ME1: variants seen among roughly 807,000 people sequenced by gnomAD.
The protein encoded by ME1 is malic enzyme 1, also known as NADP-dependent malic enzyme.
ME1 carries 74 observed loss-of-function variants against 66.4 expected under a neutral mutation model. The ratio of observed to expected loss-of-function variants is 1.11; its 90% CI spans 0.92 to 1.35. ME1 has a LOEUF of 1.35. Ranked by LOEUF, ME1 falls within the 40% of genes most tolerant of loss-of-function variation. ME1 has a pLI of 0.00. For missense variants in ME1, 750 were observed against 694.1 expected, an observed-to-expected ratio of 1.08 and a Z score of -0.90; for synonymous variants, 251 against 235.6, an observed-to-expected ratio of 1.07 and a Z score of -0.60.
intron 3 of ME1, among the ~76,000 whole-genome samples, chr6:83,370,301 G>C (rs769782700): frequency 9.9e-5 from 15 of 152,112 alleles, no homozygotes; most frequent in Non-Finnish European, 2.2e-4. Context: ...GCTTAACTTT[G>C]CAGGAAAAAC....
At chr6:83,398,885 C>T (rs1425986958) in intron 2 of ME1, among the ~76,000 whole-genome samples, 2 of 151,992 alleles carry the variant, frequency 1.3e-5, no homozygotes, top group Non-Finnish European at 2.9e-5. Context: ...GGGTGGATCA[C>T]GAGGTCAGGA....
At chr6:83,309,531 G>T (rs1317885444) in intron 6 of ME1, among the ~76,000 whole-genome samples, 2 of 152,092 alleles carry the variant, frequency 1.3e-5, no homozygotes, top group African/African-American at 4.8e-5. Flanking sequence ...AGCAGGGCTG[G>T]GAGTCAGTGG....
intron 2 of ME1, among the ~76,000 whole-genome samples, chr6:83,403,692 C>A (rs964027789): frequency 1.3e-5 from 2 of 152,088 alleles, no homozygotes; most frequent in Admixed American, 1.3e-4. Context: ...TGATGTTCCC[C>A]TCCCCGTGTC....
intron 12 of ME1, among the ~76,000 whole-genome samples, chr6:83,221,901 A>C (rs1790097818): frequency 6.6e-6 from 1 of 152,248 alleles, no homozygotes; most frequent in South Asian, 2.1e-4. Flanking sequence ...AGCCTAAGAG[A>C]AAACCAGTAG....
chr6:83,279,232 A>C (rs1767245066), intron 6 of ME1, among the ~76,000 whole-genome samples: 1 of 152,230 alleles, frequency 6.6e-6, no homozygotes, highest in African/African-American at 2.4e-5. Flanking sequence ...AGCATATTAA[A>C]GGCATATCTC....
At chr6:83,303,345 C>A (rs1225783081) in intron 6 of ME1, among the ~76,000 whole-genome samples, 1 of 152,130 alleles carries the variant, frequency 6.6e-6, no homozygotes, top group Non-Finnish European at 1.5e-5. Context: ...TACAAACTTA[C>A]TTTGAAGCTA....
At chr6:83,330,102 G>T (rs1768375788) in intron 5 of ME1, among the ~76,000 whole-genome samples, 1 of 152,164 alleles carries the variant, frequency 6.6e-6, no homozygotes, top group Admixed American at 6.5e-5. Flanking sequence ...TTACAGGTGT[G>T]AGTCACTGAG....
At chr6:83,314,186 GA>G (rs1024277345) in intron 6 of ME1, among the ~76,000 whole-genome samples, 3 of 151,462 alleles carry the variant, frequency 2.0e-5, no homozygotes, top group Admixed American at 2.0e-4. Context: ...TCTCTTTTCT[GA>G]AAAAAAATGG....
intron 5 of ME1, among the ~76,000 whole-genome samples, chr6:83,317,881 A>G (rs1358995571): frequency 1.3e-5 from 2 of 152,142 alleles, no homozygotes; most frequent in African/African-American, 4.8e-5. Context: ...TGGAGGCATC[A>G]CACTACCTGA....
In ME1 at chr6:83,223,855, C is replaced by T. The variant is rs1016097224; in HGVS notation, c.1354G>A (p.Gly452Ser). ...PNGQTLYPGQ[G>S]NNSYVFPGVA... The stretch of plus-strand genomic sequence containing the variant: ...CCAGGGAACACATAGGAATTGTTGC[C>T]TTGGCCAGGATATAGGGTCTGTCCA... Residue 452 changes from glycine (G) to serine (S), a missense_variant, in exon 12 of 14, where the codon GGC becomes AGC. By Grantham distance (56) the Gly-to-Ser change is moderately conservative. Transcript: ENST00000369705. 3 of 1,613,898 alleles carry T rather than the reference C, an allele frequency of 1.9e-6. No individual in the cohort carries two copies. Among genetic ancestry groups the T allele is most frequent in the Non-Finnish European group, 1.7e-6 (2 of 1,179,946 alleles).
chr6:83,238,613 TG>T (rs1399051706), intron 8 of ME1, among the ~76,000 whole-genome samples: 1 of 152,076 alleles, frequency 6.6e-6, no homozygotes, highest in Admixed American at 6.5e-5. Context: ...AAAGTGAATT[TG>T]TGATTTACAT....
rs1240362013 is a variant in ME1, at chr6:83,351,944, T to G, written c.438+120A>C. ...TCAAAGGGATATAAATTAGGTGATA[T>G]TCACTAGAAAAGCTAATGAATGCTA... On this transcript the variant is annotated intron_variant, in intron 4 of 13. Coordinates refer to ENST00000369705, the MANE Select transcript of ME1 (RefSeq NM_002395.6). 6.0e-6 allele frequency: 3 copies of G among 503,554 alleles called. No homozygotes were observed. In the African/African-American group the frequency reaches 6.0e-5, roughly 10 times the overall value. The allele number at this position is 503,554 out of a possible 1,614,324, so 31.2% of individuals were successfully genotyped here. A position where few individuals can be genotyped will look rare whatever the true frequency, so the allele number is the denominator to read the frequency against.
chr6:83,257,942 G>A (rs1766813383), intron 6 of ME1, among the ~76,000 whole-genome samples: 1 of 152,230 alleles, frequency 6.6e-6, no homozygotes, highest in South Asian at 2.1e-4. Flanking sequence ...TGTTCAGAAG[G>A]AGCAGAACTC....
rs1456864397 is a variant in ME1, at chr6:83,210,439, A to G, written c.*1485T>C. 6.6e-6 allele frequency: 1 copy of G among 152,602 alleles called. No homozygotes were observed. Among genetic ancestry groups the G allele is most frequent in the African/African-American group, 2.4e-5 (1 of 41,466 alleles). The allele number at this position is 152,602 out of a possible 1,614,324, so 9.5% of individuals were successfully genotyped here. On this transcript the variant is annotated 3_prime_UTR_variant, in exon 14 of 14. Coordinates refer to ENST00000369705, the MANE Select transcript of ME1 (RefSeq NM_002395.6). ...ATATTTTTATTCATTCACCTTTTCT[A>G]TGCTTTAATAAATCTTTTGCATAGG...
intron 3 of ME1, among the ~76,000 whole-genome samples, chr6:83,357,947 A>ATATATATG (rs1768929338): frequency 1.2e-5 from 1 of 80,990 alleles, no homozygotes; most frequent in Non-Finnish European, 2.4e-5. Context: ...ATATATATAT[A>ATATATATG]TATATATATA....
intron 6 of ME1, among the ~76,000 whole-genome samples, chr6:83,292,721 G>A (rs1281159916): frequency 6.6e-6 from 1 of 152,190 alleles, no homozygotes; most frequent in African/African-American, 2.4e-5. Flanking sequence ...GATATGCTCT[G>A]TCCCCAGAGG....
intron 1 of ME1, among the ~76,000 whole-genome samples, chr6:83,410,597 G>A (rs1214734335): frequency 6.6e-6 from 1 of 152,042 alleles, no homozygotes; most frequent in Non-Finnish European, 1.5e-5. Flanking sequence ...ACTAGAAAAT[G>A]AAAAGGGGAA....
chr6:83,248,152 C>A (rs1790657858), intron 7 of ME1, among the ~76,000 whole-genome samples: 1 of 152,064 alleles, frequency 6.6e-6, no homozygotes, highest in African/African-American at 2.4e-5. Context: ...AAATCCTGAC[C>A]CTAATTGCTT....
Position 83,241,610 on chromosome 6 carries a change from C to A in ME1, c.815-1974G>T, listed in dbSNP as rs557365285. Among the ~76,000 whole-genome samples the A allele has an allele frequency of 2.6e-5, 4 of 152,122 alleles. No homozygotes were observed. In the South Asian group the frequency reaches 8.3e-4, roughly 32 times the overall value. ...CATTTATAGAATTAATTAATAAAAT[C>A]AGAAAGATATTTTTAGCACTATCAA... On this transcript the variant is annotated intron_variant, in intron 7 of 13. Transcript: ENST00000369705.
Sources: gnomAD v4.1 joint callset for allele counts (sites outside exome capture counted in the v4.1 genomes callset) on GRCh38, gnomAD v4.1.1 for gene constraint, MANE v1.5 for transcripts, NCBI Gene and HGNC (gene_info 2026-07-23, HGNC 2026-07-21) for gene names.